The following AVL9 variants were observed in gnomAD, a reference collection of about 807,000 sequenced individuals.
AVL9 encodes the protein late secretory pathway protein AVL9 homolog.
Under a neutral mutation model 79.2 loss-of-function variants are expected in AVL9, and 49 were observed. The observed-to-expected ratio is 0.62, with a 90% CI of 0.49 to 0.79. The LOEUF (loss-of-function observed/expected upper bound fraction) is 0.79, where lower values mean the gene tolerates loss of function less well. Ranked by LOEUF, AVL9 falls within the 30% of genes least tolerant of loss-of-function variation. The probability of loss-of-function intolerance (pLI) is 0.00; values close to 1 mark genes in which losing one functional copy is unlikely to be tolerated. For missense variants in AVL9, 682 were observed against 776.8 expected (o/e 0.88, Z 1.45); for synonymous variants, 299 against 280.6 (o/e 1.07, Z -0.65).
At chr7:32,507,828 G>A (rs538518204) in intron 1 of AVL9, among the ~76,000 whole-genome samples, 19 of 152,268 alleles carry the variant, frequency 1.2e-4, no homozygotes, top group African/African-American at 3.4e-4. Flanking sequence ...ATTGTTTTCC[G>A]AAACAGTGGA....
chr7:32,508,780 T>G (rs1406914350), intron 1 of AVL9, among the ~76,000 whole-genome samples: 1 of 152,240 alleles, frequency 6.6e-6, no homozygotes, highest in Non-Finnish European at 1.5e-5. Flanking sequence ...GGTATTAAAG[T>G]GTCCACATAT....
At chr7:32,531,336 A>G (rs539655490) in intron 1 of AVL9, among the ~76,000 whole-genome samples, 2 of 126,360 alleles carry the variant, frequency 1.6e-5, no homozygotes, top group Non-Finnish European at 3.4e-5. Flanking sequence ...TTCTTTCTCT[A>G]TTTTATCAAA....
intron 1 of AVL9, among the ~76,000 whole-genome samples, chr7:32,518,860 CAAT>C (rs141134012): frequency 1.6e-3 from 241 of 152,164 alleles, no homozygotes; most frequent in Non-Finnish European, 2.7e-3. Flanking sequence ...AAAATACACT[CAAT>C]AATTGGTTAA....
rs1372004580 is a variant in AVL9, at chr7:32,552,523, CT to C, written c.529+240del. Among the ~76,000 whole-genome samples, 452 of 142,758 alleles carry C rather than the reference CT, an allele frequency of 3.2e-3. 1 individual carries two copies. The highest frequency in any genetic ancestry group is 6.8e-3 in the African/African-American group (270 of 39,480). 93.7% of individuals were successfully genotyped at this position (142,758 alleles called of 152,430 possible). A position where few individuals can be genotyped will look rare whatever the true frequency, so the allele number is the denominator to read the frequency against. Reference sequence around the variant, plus strand: ...ATTAACGTACAAGGTGAATTTCTGCCTTTTTTTTTTTTGAGACAAACTACCT... The same window carrying C: ...ATTAACGTACAAGGTGAATTTCTGCCTTTTTTTTTTTGAGACAAACTACCT... On this transcript the variant is annotated intron_variant, in intron 6 of 15. Transcript: ENST00000318709.
chr7:32,579,339 CACATATTTTATATAATAT>C (rs1417055942), intron 13 of AVL9, among the ~76,000 whole-genome samples: 8 of 8,428 alleles, frequency 9.5e-4, no homozygotes, highest in South Asian at 0.01. Context: ...ATATATATAA[CACATATTTTATATAATAT>C]ATAACATATA....
intron 14 of AVL9, 67 bp from the exon 15 acceptor site, chr7:32,580,731 GTGTC>G (rs1791458197): frequency 1.0e-6 from 1 of 989,128 alleles, no homozygotes; most frequent in East Asian, 2.5e-5. Flanking sequence ...GTGTCTATAT[GTGTC>G]TGTGTGCGTG....
rs957589995 is a variant in AVL9, at chr7:32,562,674, C to T, written c.1215+3210C>T. The T allele has an allele frequency of 3.9e-5, 37 of 953,380 alleles. No homozygotes were observed. In the South Asian group the frequency reaches 1.4e-3, roughly 35 times the overall value. 59.1% of individuals were successfully genotyped at this position (953,380 alleles called of 1,614,324 possible). On this transcript the variant is annotated intron_variant, in intron 10 of 15. Transcript: ENST00000318709. The stretch of plus-strand genomic sequence containing the variant: ...GCATCTCACACCTGTAATCCCAGCA[C>T]TTTGGGAGGCCGAGGTGGGGAGGAT...
intron 11 of AVL9, among the ~76,000 whole-genome samples, chr7:32,572,469 A>G (rs1790898415): frequency 6.6e-6 from 1 of 150,772 alleles, no homozygotes; most frequent in East Asian, 1.9e-4. Flanking sequence ...TGTAAGTTAC[A>G]TGTATTTTTT....
At chr7:32,519,768 A>G (rs1788062162) in intron 1 of AVL9, among the ~76,000 whole-genome samples, 1 of 152,236 alleles carries the variant, frequency 6.6e-6, no homozygotes, top group African/African-American at 2.4e-5. Flanking sequence ...CATTGCTGTA[A>G]AGAACTACCT....
intron 8 of AVL9, among the ~76,000 whole-genome samples, chr7:32,555,395 C>G (rs571546658): frequency 1.3e-5 from 2 of 152,310 alleles, no homozygotes; most frequent in Admixed American, 1.3e-4. Context: ...GGGCCTATTA[C>G]AGGCCACACA....
chr7:32,506,545 T>C lies in AVL9; in HGVS notation c.93+10743T>C, dbSNP rs78899646. 5.7e-4 allele frequency among the ~76,000 whole-genome samples: 87 copies of C among 152,274 alleles called. No homozygotes were observed. The East Asian group carries it at 0.016, about 27-fold the overall frequency. On this transcript the variant is annotated intron_variant, in intron 1 of 15. Transcript: ENST00000318709. ...AGAATGGCACACAATTTAAGACTTA[T>C]GAATTGTTTATTACTGAAACTTTCC...
chr7:32,585,884 C>T lies in AVL9; in HGVS notation c.*1977C>T, dbSNP rs1028894613. On this transcript the variant is annotated 3_prime_UTR_variant, in exon 16 of 16. Transcript: ENST00000318709. Reference sequence around the variant, plus strand: ...AAACAGTACTTGAATCTTTTTTGCGCTGAGACTATAAAGAATTCATTCTAA... The same window carrying T: ...AAACAGTACTTGAATCTTTTTTGCGTTGAGACTATAAAGAATTCATTCTAA... 2.0e-5 allele frequency: 3 copies of T among 152,048 alleles called. No homozygotes were observed. The highest frequency in any genetic ancestry group is 4.4e-5 in the Non-Finnish European group (3 of 67,998). The allele number at this position is 152,048 out of a possible 1,614,324, so 9.4% of individuals were successfully genotyped here.
Position 32,551,342 on chromosome 7 carries a change from T to C in AVL9, c.381T>C (p.Tyr127=). Reference sequence around the variant, plus strand: ...CTCTTTTTTCCTTTAAGCCTCTGTATGGTTTACTTCAAGCAAAACTTCAAC... The same window carrying C: ...CTCTTTTTTCCTTTAAGCCTCTGTACGGTTTACTTCAAGCAAAACTTCAAC... ...SVCVLSKLPL[Y]GLLQAKLQLI... The change falls in exon 5 of 16, where the codon TAT becomes TAC. Residue 127 remains tyrosine, a synonymous_variant. Coordinates refer to ENST00000318709, the MANE Select transcript of AVL9 (RefSeq NM_015060.3). 4.4e-6 allele frequency: 7 copies of C among 1,602,466 alleles called. No homozygotes were observed. The highest frequency in any genetic ancestry group is 6.0e-6 in the Non-Finnish European group (7 of 1,170,582).
chr7:32,503,367 T>TACACACACACACACACACACAC (rs1278670017), intron 1 of AVL9, among the ~76,000 whole-genome samples: 1,568 of 87,954 alleles, frequency 0.018, 41 homozygotes, highest in Non-Finnish European at 0.026. Context: ...GAGAGATATA[T>TACACACACACACACACACACAC]ATATATACAC....
chr7:32,512,235 A>AG (rs971316138), intron 1 of AVL9, among the ~76,000 whole-genome samples: 4 of 152,194 alleles, frequency 2.6e-5, no homozygotes, highest in African/African-American at 9.7e-5. Context: ...AGATTGATCA[A>AG]GGGGCTAACA....
intron 13 of AVL9, among the ~76,000 whole-genome samples, chr7:32,579,589 T>TA (rs1491342610): frequency 0.013 from 65 of 4,836 alleles, 21 homozygotes; most frequent in African/African-American, 0.055. Context: ...TATTATATAT[T>TA]ATATATTATA....
At chr7:32,526,540 A>G (rs1788407943) in intron 1 of AVL9, among the ~76,000 whole-genome samples, 1 of 152,140 alleles carries the variant, frequency 6.6e-6, no homozygotes, top group African/African-American at 2.4e-5. Context: ...CTGGCTAAAA[A>G]AAACACTTAC....
chr7:32,503,112 T>C (rs1050727102), intron 1 of AVL9, among the ~76,000 whole-genome samples: 4 of 151,942 alleles, frequency 2.6e-5, no homozygotes, highest in African/African-American at 9.7e-5. Flanking sequence ...TTTCTGGTTC[T>C]TGGCAGTTTT....
Position 32,588,641 on chromosome 7 carries a change from G to A in AVL9, c.*4734G>A, listed in dbSNP as rs1791897722. 6.6e-6 allele frequency: 1 copy of A among 152,084 alleles called. No individual in the cohort carries two copies. Among genetic ancestry groups the A allele is most frequent in the Admixed American group, 6.5e-5 (1 of 15,268 alleles). The allele number at this position is 152,084 out of a possible 1,614,324, so 9.4% of individuals were successfully genotyped here. ...ATTATAAATCACGTCTAATCATACT[G>A]AATTGTAAAACTTGAATTGTATCTT... is the stretch of plus-strand genomic sequence containing the variant. On this transcript the variant is annotated 3_prime_UTR_variant, in exon 16 of 16. Coordinates refer to ENST00000318709, the MANE Select transcript of AVL9 (RefSeq NM_015060.3).
Sources: gnomAD v4.1 joint callset for allele counts (sites outside exome capture counted in the v4.1 genomes callset) on GRCh38, gnomAD v4.1.1 for gene constraint, MANE v1.5 for transcripts, NCBI Gene and HGNC (gene_info 2026-07-23, HGNC 2026-07-21) for gene names.